Variants in NRXN3 observed in about 807,000 individuals in gnomAD.
NRXN3 encodes the protein neurexin III.
In NRXN3, 32 loss-of-function variants were observed where a neutral mutation model predicts 137.6. That is an observed-to-expected ratio of 0.23 (90% CI 0.18 to 0.31). The LOEUF (loss-of-function observed/expected upper bound fraction) is 0.31. Among genes scored for constraint, NRXN3 ranks in the 10% least tolerant of loss-of-function variants. NRXN3 has a pLI of 1.00. For synonymous variants in NRXN3, 798 were observed against 784.5 expected (o/e 1.02, Z -0.29); for missense variants, 1,574 against 2,062.5 (o/e 0.76, Z 4.59).
chr14:78,846,421 A>G (rs912765998), intron 10 of NRXN3, among the ~76,000 whole-genome samples: 1 of 152,094 alleles, frequency 6.6e-6, no homozygotes, highest in Non-Finnish European at 1.5e-5. Context: ...AATTATGACA[A>G]TTACAATCAG....
intron 4 of NRXN3, among the ~76,000 whole-genome samples, chr14:78,302,034 T>C (rs2076923515): frequency 1.3e-5 from 2 of 152,096 alleles, no homozygotes; most frequent in Admixed American, 1.3e-4. Flanking sequence ...TATCTCCACC[T>C]CTCCACTGAC....
chr14:78,308,136 C>A (rs559941385), intron 4 of NRXN3, among the ~76,000 whole-genome samples: 2 of 151,680 alleles, frequency 1.3e-5, no homozygotes, highest in Non-Finnish European at 2.9e-5. Flanking sequence ...ATTTGTTCGA[C>A]TAAAGAGCCA....
chr14:79,696,494 A>G (rs1240803904), intron 18 of NRXN3, among the ~76,000 whole-genome samples: 1 of 151,902 alleles, frequency 6.6e-6, no homozygotes, highest in Non-Finnish European at 1.5e-5. Flanking sequence ...AAGCAAAATG[A>G]AGTAATCTGG....
At chr14:79,682,610 G>T (rs549689368) in intron 17 of NRXN3, among the ~76,000 whole-genome samples, 1 of 152,176 alleles carries the variant, frequency 6.6e-6, no homozygotes, top group Non-Finnish European at 1.5e-5. Context: ...CGGGGAGAAA[G>T]TTGTCTTCAA....
At chr14:79,183,847 G>A (rs112088114) in intron 15 of NRXN3, among the ~76,000 whole-genome samples, 159 of 152,284 alleles carry the variant, frequency 1.0e-3, no homozygotes, top group African/African-American at 3.5e-3. Context: ...CTTCCATAGC[G>A]TAGCCTGGAA....
rs190824296 is a variant in NRXN3, at chr14:78,600,622, C to G, written c.758-44498C>G. ...GTTCTGTCCTTGACTCCCTTGTCTT[C>G]CCCCAACATTATCTTTCTGGACAAT... On this transcript the variant is annotated intron_variant, in intron 4 of 20. Coordinates refer to ENST00000335750, the MANE Select transcript of NRXN3 (RefSeq NM_001330195.2). Among the ~76,000 whole-genome samples, 238 of 152,252 alleles carry G rather than the reference C, an allele frequency of 1.6e-3. 4 individuals are homozygous for G. Among genetic ancestry groups the G allele is most frequent in the Non-Finnish European group, 3.7e-4 (25 of 68,028 alleles).
rs1034245105 is a variant in NRXN3, at chr14:78,243,144, G to A, written c.51G>A (p.Leu17=). Residue 17 remains leucine, a synonymous_variant, in exon 2 of 21, where the codon CTG becomes CTA. Coordinates refer to ENST00000335750, the MANE Select transcript of NRXN3 (RefSeq NM_001330195.2). This position sits in a 1 kb window ranked among gnomAD's most constrained non-coding sequence, Gnocchi z 4.2. ...TCTTCACCCTGAAGGTCAGCATCCT[G>A]CTGGGGTCCCTGCTGGGGCTCTGCC... ...SVFFTLKVSI[L]LGSLLGLCLG... The A allele has an allele frequency of 2.7e-5, 41 of 1,546,110 alleles. No individual in the cohort carries two copies. Among genetic ancestry groups the A allele is most frequent in the Non-Finnish European group, 3.3e-5 (38 of 1,152,908 alleles).
chr14:79,522,530 T>C (rs769334008), intron 16 of NRXN3, among the ~76,000 whole-genome samples: 99 of 152,188 alleles, frequency 6.5e-4, no homozygotes, highest in Non-Finnish European at 1.1e-3. Context: ...ATAGCAAGAC[T>C]TAAGGATATC....
chr14:78,708,755 CT>C (rs1320608934), intron 6 of NRXN3, among the ~76,000 whole-genome samples: 4 of 152,178 alleles, frequency 2.6e-5, no homozygotes, highest in Non-Finnish European at 5.9e-5. Context: ...ACCTGGAGAG[CT>C]TCCACATCAA....
At chr14:78,330,864 G>C (rs997884692) in intron 4 of NRXN3, among the ~76,000 whole-genome samples, 4 of 152,094 alleles carry the variant, frequency 2.6e-5, no homozygotes, top group African/African-American at 7.2e-5. Context: ...CGAACTGATA[G>C]TATATACAAA....
chr14:78,765,428 C>T (rs1027920410), intron 8 of NRXN3, among the ~76,000 whole-genome samples: 3 of 152,188 alleles, frequency 2.0e-5, no homozygotes, highest in African/African-American at 7.2e-5. Context: ...GCTGGGATTA[C>T]AGGCATGAGC....
intron 16 of NRXN3, among the ~76,000 whole-genome samples, chr14:79,594,777 C>T (rs533957661): frequency 2.2e-4 from 34 of 152,082 alleles, no homozygotes; most frequent in African/African-American, 7.2e-4. Flanking sequence ...TTTCAGTCCT[C>T]GGGGGTTTGC....
intron 10 of NRXN3, among the ~76,000 whole-genome samples, chr14:78,918,534 G>A (rs1325112807): frequency 6.6e-6 from 1 of 152,036 alleles, no homozygotes; most frequent in East Asian, 1.9e-4. Context: ...ATCAGTTTAA[G>A]GCAAAGATAG....
intron 8 of NRXN3, chr14:78,745,304 T>C (rs1344096721): frequency 6.6e-6 from 1 of 152,362 alleles, no homozygotes; most frequent in Non-Finnish European, 1.5e-5. Flanking sequence ...CTAAGTCTGC[T>C]GGCCAAGGTG....
intron 16 of NRXN3, among the ~76,000 whole-genome samples, chr14:79,512,842 G>A (rs944291813): frequency 6.6e-6 from 1 of 152,160 alleles, no homozygotes; most frequent in Non-Finnish European, 1.5e-5. Flanking sequence ...AATTGCATCT[G>A]TATAACCTAT....
chr14:78,744,203 G>A lies in NRXN3; in HGVS notation c.2044+29064G>A, dbSNP rs56658384. On this transcript the variant is annotated intron_variant, in intron 8 of 20. Coordinates refer to ENST00000335750, the MANE Select transcript of NRXN3 (RefSeq NM_001330195.2). ...GCCACCTAGGCTGGAGTGCAGTGAC[G>A]CGATCTCAGTTCACTGCAGCCTCCG... Among the ~76,000 whole-genome samples, 1,926 of 152,208 alleles carry A rather than the reference G, an allele frequency of 0.013. 77 individuals are homozygous for A. In the East Asian group the frequency reaches 0.17, roughly 13 times the overall value.
At chr14:79,167,853 A>G (rs1156376958) in intron 15 of NRXN3, among the ~76,000 whole-genome samples, 1 of 151,422 alleles carries the variant, frequency 6.6e-6, no homozygotes, top group Admixed American at 6.6e-5. Context: ...CTGCAGATAT[A>G]TCAGGTACCA....
chr14:79,399,630 A>G (rs2095132753), intron 15 of NRXN3, among the ~76,000 whole-genome samples: 1 of 152,206 alleles, frequency 6.6e-6, no homozygotes, highest in Non-Finnish European at 1.5e-5. Context: ...ATAATTATGC[A>G]TTGATTAATG....
intron 4 of NRXN3, among the ~76,000 whole-genome samples, chr14:78,373,549 A>G (rs2087254527): frequency 6.6e-6 from 1 of 152,228 alleles, no homozygotes; most frequent in South Asian, 2.1e-4. Context: ...ACAGCTGTTC[A>G]TGGAGACAGT....
Sources: gnomAD v4.1 joint callset for allele counts (sites outside exome capture counted in the v4.1 genomes callset) on GRCh38, gnomAD v4.1.1 for gene constraint, Gnocchi (gnomAD v3.1) non-coding constraint, MANE v1.5 for transcripts, NCBI Gene and HGNC (gene_info 2026-07-23, HGNC 2026-07-21) for gene names.